The following UNC5C variants were observed in gnomAD, a reference collection of about 807,000 sequenced individuals.
UNC5C encodes netrin receptor UNC5C.
A neutral mutation model predicts 99.8 loss-of-function variants in UNC5C; 47 were observed. The observed-to-expected ratio is 0.47, with a 90% CI of 0.37 to 0.60. The LOEUF is 0.60. Ranked by LOEUF, UNC5C falls within the 20% of genes least tolerant of loss-of-function variation. The pLI is 0.00. For missense variants in UNC5C, 1,062 were observed against 1,165.9 expected, an observed-to-expected ratio of 0.91 and a Z score of 1.30; for synonymous variants, 487 against 452.2, an observed-to-expected ratio of 1.08 and a Z score of -0.98.
chr4:95,193,554 G>A (rs533279305), intron 12 of UNC5C, among the ~76,000 whole-genome samples: 1 of 152,216 alleles, frequency 6.6e-6, no homozygotes, highest in African/African-American at 2.4e-5. Context: ...AATCACATCT[G>A]CCATCAGATT....
chr4:95,423,897 GA>G lies in UNC5C; in HGVS notation c.125-88267del, dbSNP rs541095470. ...TAAAGTTAAGGATACACACAAAAGG[GA>G]AACAAACATTTTAGTATAGTGATTA... is the stretch of plus-strand genomic sequence containing the variant. On this transcript the variant is annotated intron_variant, in intron 1 of 15. Coordinates refer to ENST00000453304, the MANE Select transcript of UNC5C (RefSeq NM_003728.4). 3.4e-3 allele frequency among the ~76,000 whole-genome samples: 512 copies of G among 152,232 alleles called. 6 individuals carry two copies. The highest frequency in any genetic ancestry group is 0.011 in the African/African-American group (471 of 41,542).
At chr4:95,284,848 A>G (rs1266826447) in intron 3 of UNC5C, among the ~76,000 whole-genome samples, 7 of 152,166 alleles carry the variant, frequency 4.6e-5, no homozygotes, top group Admixed American at 2.0e-4. Flanking sequence ...AAAGGGGCAG[A>G]ACATCCTGCC....
At chr4:95,188,432 G>A (rs1736921122) in intron 12 of UNC5C, among the ~76,000 whole-genome samples, 1 of 152,212 alleles carries the variant, frequency 6.6e-6, no homozygotes, top group South Asian at 2.1e-4. Flanking sequence ...AAACCACACA[G>A]GAACAGGAGC....
chr4:95,283,315 G>A (rs919019446), intron 3 of UNC5C, among the ~76,000 whole-genome samples: 5 of 152,106 alleles, frequency 3.3e-5, no homozygotes, highest in African/African-American at 1.2e-4. Flanking sequence ...TATTTTAAGG[G>A]TTTGGCTTTA....
intron 1 of UNC5C, among the ~76,000 whole-genome samples, chr4:95,421,455 A>T (rs148426735): frequency 0.034 from 5,135 of 152,032 alleles, 136 homozygotes; most frequent in South Asian, 0.066. Flanking sequence ...CATCTATTTG[A>T]ATGCTTGTTG....
intron 1 of UNC5C, among the ~76,000 whole-genome samples, chr4:95,522,056 T>C (rs1366731336): frequency 5.5e-4 from 84 of 152,254 alleles, no homozygotes; most frequent in Non-Finnish European, 1.6e-4. Flanking sequence ...TTTAATATAA[T>C]TGTATATAGT....
At chr4:95,192,281 A>T (rs1290495816) in intron 12 of UNC5C, among the ~76,000 whole-genome samples, 3 of 54,202 alleles carry the variant, frequency 5.5e-5, no homozygotes, top group African/African-American at 2.1e-4. Context: ...TCTTCTGCCC[A>T]CCTCTTCTCA....
intron 3 of UNC5C, among the ~76,000 whole-genome samples, chr4:95,294,516 A>G (rs1741603594): frequency 1.3e-5 from 2 of 152,178 alleles, no homozygotes; most frequent in Non-Finnish European, 2.9e-5. Context: ...TCCCCGGAAG[A>G]TGAATCTTGG....
At chr4:95,428,190 C>T (rs370631552) in intron 1 of UNC5C, among the ~76,000 whole-genome samples, 1 of 151,746 alleles carries the variant, frequency 6.6e-6, no homozygotes, top group Admixed American at 6.6e-5. Flanking sequence ...CAATCAGTGT[C>T]CATGCATCCT....
At chr4:95,449,146 A>T (rs1203217459) in intron 1 of UNC5C, among the ~76,000 whole-genome samples, 1 of 152,232 alleles carries the variant, frequency 6.6e-6, no homozygotes, top group East Asian at 1.9e-4. Context: ...ACCCAGAGGG[A>T]ACATCCATAC....
intron 10 of UNC5C, among the ~76,000 whole-genome samples, chr4:95,215,803 C>T (rs182062506): frequency 7.9e-5 from 12 of 152,130 alleles, no homozygotes; most frequent in African/African-American, 2.9e-4. Context: ...GCCATGAAGT[C>T]GACGTCTCTG....
chr4:95,473,141 A>G (rs1748025213), intron 1 of UNC5C, among the ~76,000 whole-genome samples: 2 of 152,132 alleles, frequency 1.3e-5, no homozygotes, highest in African/African-American at 2.4e-5. Flanking sequence ...AATTCATGCC[A>G]ACTCTTCTTT....
At chr4:95,308,375 C>T (rs183302963) in intron 2 of UNC5C, among the ~76,000 whole-genome samples, 87 of 151,986 alleles carry the variant, frequency 5.7e-4, no homozygotes, top group Non-Finnish European at 9.6e-4. Flanking sequence ...TAATAAAATA[C>T]ATAGAAATAA....
intron 14 of UNC5C, among the ~76,000 whole-genome samples, chr4:95,180,328 A>G (rs1736563036): frequency 6.6e-6 from 1 of 152,224 alleles, no homozygotes; most frequent in South Asian, 2.1e-4. Flanking sequence ...AAGATGTGAA[A>G]AAACTGTAAA....
At chr4:95,419,037 T>C (rs1312700995) in intron 1 of UNC5C, among the ~76,000 whole-genome samples, 1 of 152,130 alleles carries the variant, frequency 6.6e-6, no homozygotes, top group Non-Finnish European at 1.5e-5. Flanking sequence ...GCATCTCTTA[T>C]TTTTTCCCAT....
chr4:95,237,740 G>C (rs1020352322), intron 7 of UNC5C, among the ~76,000 whole-genome samples: 1 of 152,166 alleles, frequency 6.6e-6, no homozygotes, highest in East Asian at 1.9e-4. Context: ...GCCATTAATT[G>C]GACATGTTAA....
At chr4:95,536,607 G>A (rs1440998932) in intron 1 of UNC5C, among the ~76,000 whole-genome samples, 1 of 151,978 alleles carries the variant, frequency 6.6e-6, no homozygotes, top group East Asian at 1.9e-4. Flanking sequence ...TTTATTGTGT[G>A]GCCAAATACA....
At chr4:95,222,079 T>C in intron 7 of UNC5C, 1 of 563,060 alleles carries the variant, frequency 1.8e-6, no homozygotes, top group East Asian at 3.4e-5. Flanking sequence ...CTAATTTATT[T>C]TTCATGTTAG....
chr4:95,442,243 C>T (rs1746970460), intron 1 of UNC5C, among the ~76,000 whole-genome samples: 1 of 152,060 alleles, frequency 6.6e-6, no homozygotes, highest in Non-Finnish European at 1.5e-5. Flanking sequence ...TGGTCTGTTG[C>T]CCAGGCTGGA....
Sources: gnomAD v4.1 joint callset for allele counts (sites outside exome capture counted in the v4.1 genomes callset) on GRCh38, gnomAD v4.1.1 for gene constraint, MANE v1.5 for transcripts, NCBI Gene and HGNC (gene_info 2026-07-23, HGNC 2026-07-21) for gene names.